Variants in PLXNA4 observed in about 807,000 individuals in gnomAD.
The protein encoded by PLXNA4 is plexin-A4.
In PLXNA4, 44 loss-of-function variants were observed where a neutral mutation model predicts 191.8. That is an observed-to-expected ratio of 0.23 (90% CI 0.18 to 0.29). PLXNA4 has a LOEUF of 0.29. PLXNA4 is among the 10% of genes least tolerant of loss of function. The probability of loss-of-function intolerance (pLI) is 1.00; values close to 1 mark genes in which losing one functional copy is unlikely to be tolerated. For synonymous variants in PLXNA4, 1,082 were observed against 1,009.5 expected (o/e 1.07, Z -1.36); for missense variants, 1,800 against 2,488.8 (o/e 0.72, Z 5.89).
At position 132,223,635 on chromosome 7, in the gene PLXNA4, C is replaced by T. The variant is rs746046374; in HGVS notation, c.1989G>A (p.Leu663=). 10 of 1,612,942 alleles carry T rather than the reference C, an allele frequency of 6.2e-6. No homozygotes were observed. The highest frequency in any genetic ancestry group is 1.1e-5 in the South Asian group (1 of 90,700). The change falls in exon 9 of 32, where the codon CTG becomes CTA. Residue 663 remains leucine (L), a synonymous_variant. Coordinates refer to ENST00000321063, the MANE Select transcript of PLXNA4 (RefSeq NM_020911.2). Reference sequence around the variant, plus strand: ...AGCGGTATGGACTCTCCACGCAGGACAGGCACCTGGGCACAGGGGAAGGGA... The same window carrying T: ...AGCGGTATGGACTCTCCACGCAGGATAGGCACCTGGGCACAGGGGAAGGGA... ...FYNCSVHNSC[L]SCVESPYRCH... is the part of the protein sequence containing the mutation.
At chr7:132,410,070 T>G (rs886704931) in intron 3 of PLXNA4, among the ~76,000 whole-genome samples, 2 of 152,152 alleles carry the variant, frequency 1.3e-5, no homozygotes, top group African/African-American at 4.8e-5. Context: ...ATGGCTGAAA[T>G]GTAATAAGGA....
chr7:132,298,733 G>C (rs181609835), intron 3 of PLXNA4, among the ~76,000 whole-genome samples: 136 of 152,356 alleles, frequency 8.9e-4, no homozygotes, highest in African/African-American at 2.4e-3. Flanking sequence ...TCACACTAAG[G>C]GTCTCTTTTT....
At chr7:132,227,631 AAGG>A (rs1798374026) in intron 6 of PLXNA4, 27 bp from the exon 7 acceptor site, 2 of 1,613,876 alleles carry the variant, frequency 1.2e-6, no homozygotes, top group Non-Finnish European at 1.7e-6. Flanking sequence ...GGGGGGAGAG[AAGG>A]AGGAGGGTGA....
intron 3 of PLXNA4, among the ~76,000 whole-genome samples, chr7:132,336,041 G>C (rs922785150): frequency 3.3e-5 from 5 of 152,228 alleles, no homozygotes; most frequent in Non-Finnish European, 7.3e-5. Flanking sequence ...TTAGAGGAAT[G>C]ATAGCAGAGC....
In PLXNA4 at chr7:132,295,797, TA is replaced by T. The variant is rs553805216; in HGVS notation, c.1503+2293del. 1.8e-4 allele frequency among the ~76,000 whole-genome samples: 27 copies of T among 152,196 alleles called. 1 individual carries two copies. In the East Asian group the frequency reaches 5.0e-3, roughly 28 times the overall value. On this transcript the variant is annotated intron_variant, in intron 4 of 31. Coordinates refer to ENST00000321063, the MANE Select transcript of PLXNA4 (RefSeq NM_020911.2). ...TCTGGAAACTCCTGTCACAGAGTCA[TA>T]AAAAACAAGAGTCTCTCCATTTAAC...
rs1797505697 is a variant in PLXNA4 at position 132,203,334 on chromosome 7, G to A, written c.2384C>T (p.Ala795Val). The A allele has an allele frequency of 1.2e-6, 2 of 1,613,684 alleles. No homozygotes were observed. Among genetic ancestry groups the A allele is most frequent in the African/African-American group, 1.3e-5 (1 of 74,892 alleles). The change falls in exon 11 of 32, where the codon GCT (alanine) becomes GTT (valine). Residue 795 changes from alanine (A) to valine (V), a missense_variant. Ala to Val is a moderately conservative substitution (Grantham distance 64). Coordinates refer to ENST00000321063, the MANE Select transcript of PLXNA4 (RefSeq NM_020911.2). ...CAGCCCTTCCACACCTTTATTCTGA[G>A]CTGGGTTGTCAATGTTGAAGTGCCC... is the stretch of plus-strand genomic sequence containing the variant. ...WNGHFNIDNPAQNKVHLYKCG... is the reference protein window; with the variant it reads ...WNGHFNIDNPVQNKVHLYKCG...
chr7:132,612,394 C>T (rs1240917330), intron 2 of PLXNA4, among the ~76,000 whole-genome samples: 2 of 152,122 alleles, frequency 1.3e-5, no homozygotes, highest in African/African-American at 4.8e-5. Flanking sequence ...GGCGCGGTGG[C>T]TCATGACTGT....
chr7:132,198,433 T>C, intron 13 of PLXNA4, 52 bp downstream of exon 13: 1 of 1,589,366 alleles, frequency 6.3e-7, no homozygotes, highest in Non-Finnish European at 8.6e-7. Flanking sequence ...TCCCTAATAC[T>C]AACCCGTCTT....
intron 2 of PLXNA4, among the ~76,000 whole-genome samples, chr7:132,585,984 G>A (rs1802498618): frequency 6.6e-6 from 1 of 152,192 alleles, no homozygotes; most frequent in Non-Finnish European, 1.5e-5. Flanking sequence ...AACTCAACAA[G>A]GCTGTGAGGC....
intron 1 of PLXNA4, among the ~76,000 whole-genome samples, chr7:132,511,372 T>A (rs779643156): frequency 5.7e-4 from 86 of 152,194 alleles, no homozygotes; most frequent in Admixed American, 5.9e-4. Flanking sequence ...CAGGTTTCAA[T>A]CAATGCAAAA....
rs762944710 is a variant in PLXNA4, at chr7:132,179,827, G to A, written c.3734C>T (p.Ala1245Val). The change falls in exon 20 of 32, where the codon GCT (alanine) becomes GTT (valine). Residue 1245 changes from alanine (A) to valine (V), a missense_variant. Coordinates refer to ENST00000321063, the MANE Select transcript of PLXNA4 (RefSeq NM_020911.2). Reference protein sequence around the residue: ...SLPAIVSIAVAGGLLIIFIVA... With the variant: ...SLPAIVSIAVVGGLLIIFIVA... ...GATGAAAATGATGAGGAGGCCGCCA[G>A]CCACTGCGATGCTGACGATGGCGGG... is the stretch of plus-strand genomic sequence containing the variant. 1.1e-5 allele frequency: 18 copies of A among 1,613,456 alleles called. No homozygotes were observed. The highest frequency in any genetic ancestry group is 1.4e-5 in the Non-Finnish European group (17 of 1,179,926).
intron 2 of PLXNA4, among the ~76,000 whole-genome samples, chr7:132,608,432 CAG>C: frequency 6.6e-6 from 1 of 152,200 alleles, no homozygotes; most frequent in Non-Finnish European, 1.5e-5. Flanking sequence ...ATGAATAACA[CAG>C]AGTCACTGCA....
intron 2 of PLXNA4, among the ~76,000 whole-genome samples, chr7:132,625,374 T>A (rs542766800): frequency 6.6e-6 from 1 of 152,336 alleles, no homozygotes; most frequent in Admixed American, 6.5e-5. Flanking sequence ...ACTACCTCCC[T>A]ACCCTGCTAA....
At chr7:132,480,244 T>C (rs1423568843) in intron 3 of PLXNA4, among the ~76,000 whole-genome samples, 2 of 151,970 alleles carry the variant, frequency 1.3e-5, no homozygotes, top group African/African-American at 4.8e-5. Context: ...GTGAGGAAAG[T>C]AGGCAAAGGA....
At chr7:132,600,594 G>A (rs1007840789) in intron 2 of PLXNA4, among the ~76,000 whole-genome samples, 1 of 151,916 alleles carries the variant, frequency 6.6e-6, no homozygotes, top group Admixed American at 6.6e-5. Flanking sequence ...TAAACTTCTG[G>A]GCTCAAGGGA....
At chr7:132,604,141 G>A (rs1343088159) in intron 2 of PLXNA4, among the ~76,000 whole-genome samples, 1 of 150,764 alleles carries the variant, frequency 6.6e-6, no homozygotes, top group Non-Finnish European at 1.5e-5. Flanking sequence ...ACCCCTCTGT[G>A]TTCTGGCGGG....
At position 132,237,486 on chromosome 7, in the gene PLXNA4, G is replaced by C. The variant is rs181688232; in HGVS notation, c.1604+3580C>G. ...GCTCTCCTTGGTCATAACTCTGAGA[G>C]GGAGGGAGGATGGATTTACTGAGTG... On this transcript the variant is annotated intron_variant, in intron 5 of 31. Coordinates refer to ENST00000321063, the MANE Select transcript of PLXNA4 (RefSeq NM_020911.2). 6.6e-3 allele frequency among the ~76,000 whole-genome samples: 1,003 copies of C among 152,328 alleles called. 9 individuals carry two copies. The highest frequency in any genetic ancestry group is 0.011 in the Non-Finnish European group (746 of 68,034).
chr7:132,365,350 T>C (rs1294973120), intron 3 of PLXNA4, among the ~76,000 whole-genome samples: 17 of 101,946 alleles, frequency 1.7e-4, no homozygotes, highest in East Asian at 9.3e-4. Context: ...TGTGTGTGTG[T>C]GTGTGTGTGT....
At chr7:132,635,104 T>C (rs2116883758) in intron 2 of PLXNA4, among the ~76,000 whole-genome samples, 1 of 151,520 alleles carries the variant, frequency 6.6e-6, no homozygotes, top group Non-Finnish European at 1.5e-5. Context: ...TCCTTGCTCC[T>C]CAGCTTGCAG....
Sources: allele counts gnomAD v4.1 joint callset (sites outside exome capture counted in the v4.1 genomes callset), GRCh38; gene constraint gnomAD v4.1.1; transcripts MANE v1.5; gene names NCBI Gene and HGNC (gene_info 2026-07-23, HGNC 2026-07-21).